Variants in RNGTT observed in about 807,000 individuals in gnomAD.
RNGTT encodes RNA guanylyltransferase and 5'-phosphatase, also known as mRNA-capping enzyme.
In RNGTT, 33 loss-of-function variants were observed where a neutral mutation model predicts 79.3. That is an observed-to-expected ratio of 0.42 (90% CI 0.32 to 0.56). The LOEUF is 0.56. RNGTT is among the 20% of genes least tolerant of loss of function. The pLI is 0.17. For missense variants in RNGTT, 497 were observed against 739.1 expected (o/e 0.67, Z 3.80); for synonymous variants, 222 against 235.9 (o/e 0.94, Z 0.54).
chr6:88,722,544 GA>G (rs1359899728), intron 13 of RNGTT, among the ~76,000 whole-genome samples: 1 of 152,160 alleles, frequency 6.6e-6, no homozygotes, highest in East Asian at 1.9e-4. Flanking sequence ...TAAATGGTAA[GA>G]ACACTTACAT....
At chr6:88,797,343 G>C (rs181373888) in intron 12 of RNGTT, among the ~76,000 whole-genome samples, 13 of 152,150 alleles carry the variant, frequency 8.5e-5, no homozygotes, top group Admixed American at 7.9e-4. Context: ...TAAGTATAAG[G>C]ACCAGTTTGT....
chr6:88,655,236 T>C (rs1177393728), intron 14 of RNGTT, among the ~76,000 whole-genome samples: 1 of 152,196 alleles, frequency 6.6e-6, no homozygotes, highest in Non-Finnish European at 1.5e-5. Context: ...TTAGGCTAAA[T>C]ATTAACATTT....
At chr6:88,944,981 C>T (rs928119362) in intron 1 of RNGTT, among the ~76,000 whole-genome samples, 11 of 152,178 alleles carry the variant, frequency 7.2e-5, no homozygotes, top group African/African-American at 2.7e-4. Flanking sequence ...GATCTTTGGG[C>T]ATTGTTAGTT....
chr6:88,719,175 TC>T (rs1776623147), intron 13 of RNGTT, among the ~76,000 whole-genome samples: 3 of 152,158 alleles, frequency 2.0e-5, no homozygotes, highest in Admixed American at 6.6e-5. Flanking sequence ...CCTTCTTCAA[TC>T]CCTCTGCCTA....
At chr6:88,642,718 C>T (rs1266246973) in intron 14 of RNGTT, among the ~76,000 whole-genome samples, 1 of 152,112 alleles carries the variant, frequency 6.6e-6, no homozygotes, top group African/African-American at 2.4e-5. Flanking sequence ...TCTGAGTTTC[C>T]ATTTTCTCAC....
chr6:88,682,585 T>A (rs1233669233), intron 13 of RNGTT, among the ~76,000 whole-genome samples: 9 of 152,218 alleles, frequency 5.9e-5, no homozygotes, highest in African/African-American at 2.2e-4. Context: ...TTTCCTTTTT[T>A]TAAAATTTCC....
At chr6:88,691,734 T>C (rs1391120591) in intron 13 of RNGTT, among the ~76,000 whole-genome samples, 2 of 152,184 alleles carry the variant, frequency 1.3e-5, no homozygotes, top group African/African-American at 4.8e-5. Flanking sequence ...ACTTCCTACA[T>C]GGGTATTGTA....
In RNGTT at chr6:88,703,033, T is replaced by C. The variant is rs573425859; in HGVS notation, c.1440-24614A>G. Among the ~76,000 whole-genome samples the C allele has an allele frequency of 2.0e-5, 3 of 152,194 alleles. No individual in the cohort carries two copies. The South Asian group carries it at 6.2e-4, about 32-fold the overall frequency. Reference sequence around the variant, plus strand: ...CTCACACCAGTAAGAACAACTATTATTTAAAAAGTCAAAAAACAACAGATA... The same window carrying C: ...CTCACACCAGTAAGAACAACTATTACTTAAAAAGTCAAAAAACAACAGATA... On this transcript the variant is annotated intron_variant, in intron 13 of 15. Coordinates refer to ENST00000369485, the MANE Select transcript of RNGTT (RefSeq NM_003800.5).
At chr6:88,839,149 A>G (rs562273909) in intron 11 of RNGTT, among the ~76,000 whole-genome samples, 26 of 152,266 alleles carry the variant, frequency 1.7e-4, no homozygotes, top group Non-Finnish European at 3.2e-4. Context: ...TACAATGAAA[A>G]TCTGTGCAAC....
At chr6:88,723,737 T>C (rs1776784088) in intron 13 of RNGTT, among the ~76,000 whole-genome samples, 1 of 152,200 alleles carries the variant, frequency 6.6e-6, no homozygotes, top group African/African-American at 2.4e-5. Context: ...TTGTTTTTTG[T>C]CTTTTGAGGC....
intron 14 of RNGTT, among the ~76,000 whole-genome samples, chr6:88,641,428 G>A (rs1312539910): frequency 6.6e-6 from 1 of 151,984 alleles, no homozygotes; most frequent in Non-Finnish European, 1.5e-5. Context: ...TACCACAGAT[G>A]AGCTCCGTGC....
chr6:88,929,078 T>C lies in RNGTT; in HGVS notation c.279-5A>G. On this transcript the variant is annotated splice_region_variant and splice_polypyrimidine_tract_variant and intron_variant, in intron 3 of 15. Transcript: ENST00000369485. ...GTGGTAGGGCACTCACCATGTCTAG[T>C]AATATAGAAAAAGTTTTTTTGAAAA... is the stretch of plus-strand genomic sequence containing the variant. 1.9e-6 allele frequency: 3 copies of C among 1,607,758 alleles called. No homozygotes were observed. The highest frequency in any genetic ancestry group is 2.5e-6 in the Non-Finnish European group (3 of 1,177,154).
At chr6:88,763,525 T>A (rs1778341105) in intron 13 of RNGTT, among the ~76,000 whole-genome samples, 1 of 152,228 alleles carries the variant, frequency 6.6e-6, no homozygotes, top group African/African-American at 2.4e-5. Context: ...CCAATTTCTG[T>A]CTCTCACTTG....
At chr6:88,942,470 AAG>A (rs1784882651) in intron 1 of RNGTT, among the ~76,000 whole-genome samples, 1 of 152,012 alleles carries the variant, frequency 6.6e-6, no homozygotes, top group Admixed American at 6.6e-5. Context: ...TCCTGGGCTC[AAG>A]CAATCCTTCC....
chr6:88,694,353 A>C (rs1163915913), intron 13 of RNGTT, among the ~76,000 whole-genome samples: 1 of 152,184 alleles, frequency 6.6e-6, no homozygotes, highest in Non-Finnish European at 1.5e-5. Flanking sequence ...TCCCATTTAT[A>C]ATAGTTAAAA....
rs550612085 is a variant in RNGTT at position 88,953,151 on chromosome 6, G to T, written c.64+10195C>A. Among the ~76,000 whole-genome samples, 21 of 152,316 alleles carry T rather than the reference G, an allele frequency of 1.4e-4. No homozygotes were observed. In the South Asian group the frequency reaches 4.3e-3, roughly 32 times the overall value. On this transcript the variant is annotated intron_variant, in intron 1 of 15. Coordinates refer to ENST00000369485, the MANE Select transcript of RNGTT (RefSeq NM_003800.5). ...TCTGAATTGCCAGATAAAGAATTCA[G>T]AAGGTTGATTATTCAGCTATTCAAG...
intron 8 of RNGTT, among the ~76,000 whole-genome samples, chr6:88,890,046 A>C (rs1227275943): frequency 6.6e-6 from 1 of 152,250 alleles, no homozygotes. Flanking sequence ...ATAATGCAAC[A>C]ACCTTGCGAG....
At chr6:88,889,202 C>A (rs1289107699) in intron 8 of RNGTT, among the ~76,000 whole-genome samples, 1 of 151,646 alleles carries the variant, frequency 6.6e-6, no homozygotes, top group Non-Finnish European at 1.5e-5. Flanking sequence ...CTATAAAATA[C>A]CCTAAAAAAG....
chr6:88,949,159 G>GAAAAAAAAAAAAAAAAAAAAAAAAAA, intron 1 of RNGTT, among the ~76,000 whole-genome samples: 17 of 50,512 alleles, frequency 3.4e-4, no homozygotes, highest in Non-Finnish European at 4.7e-4. Flanking sequence ...AAAATAAAAT[G>GAAAAAAAAAAAAAAAAAAAAAAAAAA]AAAAAAAAAA....
Sources: gnomAD v4.1 joint callset for allele counts (sites outside exome capture counted in the v4.1 genomes callset) on GRCh38, gnomAD v4.1.1 for gene constraint, MANE v1.5 for transcripts, NCBI Gene and HGNC (gene_info 2026-07-23, HGNC 2026-07-21) for gene names.